The following UVRAG variants were observed in gnomAD, a reference collection of about 807,000 sequenced individuals.
The protein encoded by UVRAG is UV radiation resistance associated, also known as UV radiation resistance-associated gene protein.
A neutral mutation model predicts 78.0 loss-of-function variants in UVRAG; 19 were observed. The ratio of observed to expected loss-of-function variants is 0.24; its 90% confidence interval spans 0.17 to 0.36. The LOEUF is 0.36. Among genes scored for constraint, UVRAG ranks in the 10% least tolerant of loss-of-function variants. UVRAG has a pLI of 1.00. For synonymous variants in UVRAG, 323 were observed against 324.6 expected, an observed-to-expected ratio of 1.00 and a Z score of 0.05; for missense variants, 740 against 853.8, an observed-to-expected ratio of 0.87 and a Z score of 1.66.
chr11:75,994,081 A>T (rs193061604), intron 8 of UVRAG, among the ~76,000 whole-genome samples: 1 of 152,252 alleles, frequency 6.6e-6, no homozygotes, highest in East Asian at 1.9e-4. Flanking sequence ...ATCACATTTC[A>T]CACAAGATTT....
intron 3 of UVRAG, among the ~76,000 whole-genome samples, chr11:75,863,519 G>A (rs1946468761): frequency 1.3e-5 from 2 of 152,080 alleles, no homozygotes; most frequent in South Asian, 2.1e-4. Context: ...TGTCATAATG[G>A]CACTTTAGTG....
At chr11:75,891,851 G>A (rs1284209688) in intron 5 of UVRAG, among the ~76,000 whole-genome samples, 4 of 152,172 alleles carry the variant, frequency 2.6e-5, no homozygotes, top group Middle Eastern at 3.4e-3. Context: ...GAGGTTGATG[G>A]TGCAGTGAAC....
At chr11:76,069,708 A>T (rs1951264656) in intron 13 of UVRAG, among the ~76,000 whole-genome samples, 1 of 152,214 alleles carries the variant, frequency 6.6e-6, no homozygotes. Context: ...AAAAGGGCAG[A>T]TGCTATTAAA....
At chr11:76,078,341 A>T (rs1168894201) in intron 13 of UVRAG, among the ~76,000 whole-genome samples, 1 of 152,138 alleles carries the variant, frequency 6.6e-6, no homozygotes, top group Admixed American at 6.5e-5. Flanking sequence ...TATCTTTTTG[A>T]AAGAGAGACT....
intron 14 of UVRAG, among the ~76,000 whole-genome samples, chr11:76,139,936 C>T (rs2134516476): frequency 6.6e-6 from 1 of 151,180 alleles, no homozygotes; most frequent in South Asian, 2.1e-4. Context: ...TATTGTAAAA[C>T]ATATGTGTGG....
chr11:75,824,367 T>A (rs1214696990), intron 1 of UVRAG, among the ~76,000 whole-genome samples: 1 of 151,896 alleles, frequency 6.6e-6, no homozygotes, highest in African/African-American at 2.4e-5. Flanking sequence ...GTTTTTTGTT[T>A]GTTTCTCTTT....
At chr11:75,889,761 A>G (rs946128027) in intron 5 of UVRAG, among the ~76,000 whole-genome samples, 2 of 152,238 alleles carry the variant, frequency 1.3e-5, no homozygotes, top group Non-Finnish European at 2.9e-5. Context: ...GAGCAAATGG[A>G]TAATTTCCTG....
intron 6 of UVRAG, among the ~76,000 whole-genome samples, chr11:75,941,526 C>G (rs1371883315): frequency 3.3e-5 from 5 of 152,008 alleles, no homozygotes; most frequent in Admixed American, 2.6e-4. Flanking sequence ...TCTGAAATCC[C>G]AAATGCTCCA....
At position 76,122,013 on chromosome 11, in the gene UVRAG, A is replaced by G. The variant is rs1233229416; in HGVS notation, c.1397+5998A>G. Reference sequence around the variant, plus strand: ...TGGCATTACAGAAGCCAGGGAGGCTAGAGAAGGGAATGAAGAAGCCATCTG... The same window carrying G: ...TGGCATTACAGAAGCCAGGGAGGCTGGAGAAGGGAATGAAGAAGCCATCTG... On this transcript the variant is annotated intron_variant, in intron 14 of 14. Transcript: ENST00000356136. Among the ~76,000 whole-genome samples, 5 of 152,312 alleles carry G rather than the reference A, an allele frequency of 3.3e-5. No individual in the cohort carries two copies. In the East Asian group the frequency reaches 9.6e-4, roughly 29 times the overall value.
intron 9 of UVRAG, among the ~76,000 whole-genome samples, chr11:76,005,572 C>T (rs1736352108): frequency 1.3e-5 from 2 of 152,192 alleles, no homozygotes; most frequent in Non-Finnish European, 2.9e-5. Context: ...TTAGATTCTC[C>T]AGCAGACCCT....
At chr11:76,089,305 C>T (rs770860343) in intron 13 of UVRAG, among the ~76,000 whole-genome samples, 1 of 152,146 alleles carries the variant, frequency 6.6e-6, no homozygotes, top group Non-Finnish European at 1.5e-5. Context: ...TTTTTCTCTT[C>T]TAGTCAGAGA....
intron 8 of UVRAG, among the ~76,000 whole-genome samples, chr11:75,994,501 C>G (rs1221799704): frequency 6.6e-6 from 1 of 152,158 alleles, no homozygotes; most frequent in African/African-American, 2.4e-5. Context: ...TAAAACTTTG[C>G]AAAACATTCG....
At chr11:75,833,873 C>T (rs1231171242) in intron 1 of UVRAG, among the ~76,000 whole-genome samples, 1 of 152,224 alleles carries the variant, frequency 6.6e-6, no homozygotes, top group Non-Finnish European at 1.5e-5. Flanking sequence ...AGTGGTTTTC[C>T]ACCCTGGGTG....
At chr11:76,100,132 T>A (rs1039160437) in intron 13 of UVRAG, among the ~76,000 whole-genome samples, 50 of 152,146 alleles carry the variant, frequency 3.3e-4, no homozygotes, top group African/African-American at 1.1e-3. Flanking sequence ...ACATCCAAAT[T>A]TGGCTCTTAC....
intron 13 of UVRAG, among the ~76,000 whole-genome samples, chr11:76,090,905 A>G (rs987106252): frequency 5.9e-5 from 9 of 152,188 alleles, no homozygotes; most frequent in African/African-American, 1.9e-4. Context: ...ATTGTTTTCT[A>G]TGGCTTTACC....
intron 8 of UVRAG, among the ~76,000 whole-genome samples, chr11:76,003,257 A>ATTTTTTTGTTTTT (rs1949855259): frequency 1.9e-5 from 1 of 53,736 alleles, no homozygotes; most frequent in African/African-American, 7.8e-5. Context: ...GAAAATACTG[A>ATTTTTTTGTTTTT]TTTTTTTTTT....
chr11:76,022,613 A>G (rs1278431394), intron 12 of UVRAG, among the ~76,000 whole-genome samples: 3 of 152,082 alleles, frequency 2.0e-5, no homozygotes, highest in Admixed American at 6.6e-5. Context: ...TTTGGTTACT[A>G]TTTGCATGGA....
At chr11:75,877,548 CG>C (rs1187892866) in intron 3 of UVRAG, among the ~76,000 whole-genome samples, 118 of 143,814 alleles carry the variant, frequency 8.2e-4, no homozygotes, top group African/African-American at 3.0e-3. Flanking sequence ...GGTGGCTGGC[CG>C]GGCGGGGGGC....
chr11:76,033,402 G>A (rs1950473312), intron 12 of UVRAG, among the ~76,000 whole-genome samples: 1 of 152,040 alleles, frequency 6.6e-6, no homozygotes, highest in Non-Finnish European at 1.5e-5. Context: ...TTCCCTTCTA[G>A]TTGAATTTAT....
Sources: gnomAD v4.1 joint callset for allele counts (sites outside exome capture counted in the v4.1 genomes callset) on GRCh38, gnomAD v4.1.1 for gene constraint, MANE v1.5 for transcripts, NCBI Gene and HGNC (gene_info 2026-07-23, HGNC 2026-07-21) for gene names.